The following TTC17 variants were observed in gnomAD, a reference collection of about 807,000 sequenced individuals.
TTC17 encodes tetratricopeptide repeat domain 17, also known as tetratricopeptide repeat protein 17.
Under a neutral mutation model 143.8 loss-of-function variants are expected in TTC17, and 58 were observed. The ratio of observed to expected loss-of-function variants is 0.40; its 90% CI spans 0.33 to 0.50. TTC17 has a LOEUF of 0.50. TTC17 is among the 20% of genes least tolerant of loss of function. The pLI is 0.49. For missense variants in TTC17, 1,273 were observed against 1,392.5 expected (o/e 0.91, Z 1.37); for synonymous variants, 501 against 497.8 (o/e 1.01, Z -0.09).
chr11:43,395,573 T>C (rs551448918), intron 5 of TTC17: 1 of 152,344 alleles, frequency 6.6e-6, no homozygotes, highest in African/African-American at 2.4e-5. Context: ...TGTACTGTCC[T>C]TTAACCAGCT....
chr11:43,457,320 G>A (rs1276241527), intron 21 of TTC17, among the ~76,000 whole-genome samples: 2 of 151,950 alleles, frequency 1.3e-5, no homozygotes, highest in South Asian at 2.1e-4. Context: ...TCAGTCTTAC[G>A]ACCTCTTTGC....
At chr11:43,467,386 G>A (rs1947996783) in intron 21 of TTC17, among the ~76,000 whole-genome samples, 1 of 152,140 alleles carries the variant, frequency 6.6e-6, no homozygotes, top group South Asian at 2.1e-4. Flanking sequence ...GGAATCTTGA[G>A]GAATTAACGG....
intron 1 of TTC17, among the ~76,000 whole-genome samples, chr11:43,364,439 T>C (rs1565126298): frequency 1.3e-5 from 2 of 152,212 alleles, no homozygotes; most frequent in Admixed American, 1.3e-4. Flanking sequence ...AGCATCCATA[T>C]GGCACTGTGA....
At chr11:43,397,850 A>T (rs1270833828) in intron 7 of TTC17, 124 bp from the exon 8 acceptor site, 1 of 1,346,258 alleles carries the variant, frequency 7.4e-7, no homozygotes, top group Non-Finnish European at 1.0e-6. Context: ...CTCATAAATC[A>T]TTAGAGGATT....
chr11:43,367,869 G>A (rs1350716980), intron 1 of TTC17, among the ~76,000 whole-genome samples: 3 of 152,068 alleles, frequency 2.0e-5, no homozygotes, highest in African/African-American at 7.3e-5. Flanking sequence ...GATACCCAGA[G>A]CCTATGCTCA....
intron 21 of TTC17, among the ~76,000 whole-genome samples, chr11:43,461,155 C>T (rs1412571004): frequency 2.0e-5 from 3 of 152,022 alleles, no homozygotes; most frequent in South Asian, 2.1e-4. Flanking sequence ...GAGGCCGAGG[C>T]GGGTGGATCA....
intron 21 of TTC17, among the ~76,000 whole-genome samples, chr11:43,464,008 G>T (rs1947921080): frequency 6.6e-6 from 1 of 152,214 alleles, no homozygotes; most frequent in South Asian, 2.1e-4. Flanking sequence ...GGGCGTGGTG[G>T]CTCCTGCCTA....
intron 21 of TTC17, among the ~76,000 whole-genome samples, chr11:43,477,341 T>C (rs1047311428): frequency 6.6e-6 from 1 of 152,210 alleles, no homozygotes; most frequent in Admixed American, 6.5e-5. Flanking sequence ...CAAAGTCACT[T>C]CCACATTTTC....
In TTC17 at chr11:43,451,367, T is replaced by A. The variant is rs574488825; in HGVS notation, c.3030+102T>A. The A allele has an allele frequency of 4.0e-6, 4 of 995,814 alleles. No homozygotes were observed. In the East Asian group the frequency reaches 7.6e-5, roughly 19 times the overall value. 61.7% of individuals were successfully genotyped at this position (995,814 alleles called of 1,614,324 possible). On this transcript the variant is annotated intron_variant, in intron 21 of 23. Transcript: ENST00000039989. ...TCTGTAACCTCTTCTGTTAGTTACT[T>A]AGCACTTGGTGGCTAAAAGGATAAT... is the stretch of plus-strand genomic sequence containing the variant.
intron 1 of TTC17, among the ~76,000 whole-genome samples, chr11:43,364,867 G>A (rs1489172018): frequency 3.3e-5 from 5 of 152,036 alleles, no homozygotes; most frequent in East Asian, 1.9e-4. Context: ...GTACAGTGGC[G>A]TGATCTCGGC....
intron 1 of TTC17, among the ~76,000 whole-genome samples, chr11:43,366,285 T>C (rs1178947274): frequency 1.3e-5 from 2 of 152,116 alleles, no homozygotes; most frequent in South Asian, 4.2e-4. Flanking sequence ...TCCTTTGTTT[T>C]ATTTAATTAA....
At chr11:43,408,705 GATAA>G (rs370161586) in intron 15 of TTC17, among the ~76,000 whole-genome samples, 4 of 152,124 alleles carry the variant, frequency 2.6e-5, no homozygotes, top group African/African-American at 9.6e-5. Flanking sequence ...AGAATAAAAA[GATAA>G]ATTAATGGAT....
At chr11:43,484,185 AAAAAC>A (rs1195598158) in intron 21 of TTC17, among the ~76,000 whole-genome samples, 3 of 152,196 alleles carry the variant, frequency 2.0e-5, no homozygotes, top group African/African-American at 7.2e-5. Flanking sequence ...GTAAAGAAGA[AAAAAC>A]AAAATGTCAT....
intron 21 of TTC17, among the ~76,000 whole-genome samples, chr11:43,453,988 A>G (rs1275457243): frequency 6.6e-6 from 1 of 152,208 alleles, no homozygotes; most frequent in African/African-American, 2.4e-5. Context: ...ACAGCTCGCA[A>G]GAGTGTTGTA....
chr11:43,472,954 C>G (rs1368334396), intron 21 of TTC17, among the ~76,000 whole-genome samples: 1 of 151,864 alleles, frequency 6.6e-6, no homozygotes, highest in Non-Finnish European at 1.5e-5. Flanking sequence ...ACCTGCAGAT[C>G]ACCTGAGGTC....
At chr11:43,454,683 A>G (rs1263186912) in intron 21 of TTC17, among the ~76,000 whole-genome samples, 2 of 152,104 alleles carry the variant, frequency 1.3e-5, no homozygotes, top group African/African-American at 2.4e-5. Context: ...TATGATCTCC[A>G]TACCTAACAA....
rs570275779 is a variant in TTC17, at chr11:43,382,423, T to TA, written c.249+3102dup. On this transcript the variant is annotated intron_variant, in intron 2 of 23. Coordinates refer to ENST00000039989, the MANE Select transcript of TTC17 (RefSeq NM_018259.6). Reference sequence around the variant, plus strand: ...AGGTCAAACTAGATAAAATTAATAATATGTAGTTGGGTTGGAGTATGTTCA... The same window carrying TA: ...AGGTCAAACTAGATAAAATTAATAATAATGTAGTTGGGTTGGAGTATGTTCA... Among the ~76,000 whole-genome samples the TA allele has an allele frequency of 8.1e-3, 1,240 of 152,288 alleles. 6 individuals carry two copies. Among genetic ancestry groups the TA allele is most frequent in the Admixed American group, 0.01 (157 of 15,300 alleles).
intron 16 of TTC17, among the ~76,000 whole-genome samples, 198 bp from the exon 17 acceptor site, chr11:43,443,127 T>G (rs556503887): frequency 6.6e-6 from 1 of 152,344 alleles, no homozygotes; most frequent in East Asian, 1.9e-4. Flanking sequence ...TCAGCCAGGC[T>G]TTTGGCAAAC....
At chr11:43,421,504 C>G (rs1017692173) in intron 16 of TTC17, among the ~76,000 whole-genome samples, 1 of 152,176 alleles carries the variant, frequency 6.6e-6, no homozygotes, top group Non-Finnish European at 1.5e-5. Flanking sequence ...GCTTCACCTG[C>G]GTTTACAGTC....
Sources: gnomAD v4.1 joint callset for allele counts (sites outside exome capture counted in the v4.1 genomes callset) on GRCh38, gnomAD v4.1.1 for gene constraint, MANE v1.5 for transcripts, NCBI Gene and HGNC (gene_info 2026-07-23, HGNC 2026-07-21) for gene names.